Variants in SLC43A2 observed in about 807,000 individuals in gnomAD.
The protein encoded by SLC43A2 is solute carrier family 43 member 2, also known as large neutral amino acids transporter small subunit 4.
SLC43A2 carries 38 observed loss-of-function variants against 63.2 expected under a neutral mutation model. The ratio of observed to expected loss-of-function variants is 0.60; its 90% CI spans 0.46 to 0.79. The LOEUF (loss-of-function observed/expected upper bound fraction) is 0.79, where lower values mean the gene tolerates loss of function less well. SLC43A2 is among the 30% of genes least tolerant of loss of function. SLC43A2 has a pLI of 0.00. For synonymous variants in SLC43A2, 322 were observed against 331.0 expected, an observed-to-expected ratio of 0.97 and a Z score of 0.30; for missense variants, 644 against 756.2, an observed-to-expected ratio of 0.85 and a Z score of 1.74.
intron 5 of SLC43A2, among the ~76,000 whole-genome samples, chr17:1,612,902 G>A (rs1056527809): frequency 6.6e-6 from 1 of 152,010 alleles, no homozygotes; most frequent in Admixed American, 6.6e-5. Flanking sequence ...AACCTGGGAC[G>A]CGGAGGTTGC....
intron 9 of SLC43A2, 29 bp from the exon 10 acceptor site, chr17:1,586,080 A>T: frequency 1.3e-6 from 2 of 1,551,278 alleles, no homozygotes; most frequent in Non-Finnish European, 1.7e-6. Context: ...CGTCATGGGG[A>T]CGCCTGGCAG....
intron 5 of SLC43A2, among the ~76,000 whole-genome samples, chr17:1,609,985 C>T (rs1827358630): frequency 6.6e-6 from 1 of 151,936 alleles, no homozygotes; most frequent in Non-Finnish European, 1.5e-5. Flanking sequence ...TCTCGGCTCA[C>T]TGCAACCTCC....
At position 1,587,072 on chromosome 17, in the gene SLC43A2, C is replaced by T. The variant is rs1598443659; in HGVS notation, c.1079-1021G>A. The T allele has an allele frequency of 1.8e-5, 22 of 1,214,992 alleles. No individual in the cohort carries two copies. The East Asian group carries it at 5.6e-4, about 31-fold the overall frequency. The allele number at this position is 1,214,992 out of a possible 1,614,324, so 75.3% of individuals were successfully genotyped here. A position where few individuals can be genotyped will look rare whatever the true frequency, so the allele number is the denominator to read the frequency against. ...GCAGGCTCACTCCATGCCCAGCACG[C>T]ACTGCATTTCCCACACTGCGTTTCC... On this transcript the variant is annotated intron_variant, in intron 9 of 13. Transcript: ENST00000301335.
rs1194239373 is a variant in SLC43A2, at chr17:1,583,076, C to T, written c.1350+128G>A. The T allele has an allele frequency of 4.7e-6, 5 of 1,075,086 alleles. No individual in the cohort carries two copies. The East Asian group carries it at 7.5e-5, about 16-fold the overall frequency. The allele number at this position is 1,075,086 out of a possible 1,614,324, so 66.6% of individuals were successfully genotyped here. On this transcript the variant is annotated intron_variant, in intron 11 of 13. Coordinates refer to ENST00000301335, the MANE Select transcript of SLC43A2 (RefSeq NM_152346.3). This position sits in a 1 kb window ranked among gnomAD's most constrained non-coding sequence, Gnocchi z 5.5. ...CCTGAGCAACAGAGTTTGACTCTGT[C>T]TCAAAAAAATAAAGAAAGTCATCCG...
chr17:1,625,930 G>A (rs1320322906), intron 2 of SLC43A2, among the ~76,000 whole-genome samples: 1 of 151,728 alleles, frequency 6.6e-6, no homozygotes, highest in East Asian at 1.9e-4. Context: ...GGAAGCTGAG[G>A]TTGAGGCAGG....
At position 1,571,884 on chromosome 17, in the gene SLC43A2, G is replaced by T; in HGVS notation, c.*3720C>A. On this transcript the variant is annotated 3_prime_UTR_variant, in exon 14 of 14. Coordinates refer to ENST00000301335, the MANE Select transcript of SLC43A2 (RefSeq NM_152346.3). The surrounding 1 kb of genome is among the most constrained non-coding windows in gnomAD (Gnocchi z 5.2). ...CAGAGTCTAGTGAGGAGAGGGACTG[G>T]GGGCAGTGTTTCGGCAGCAGACCCA... is the stretch of plus-strand genomic sequence containing the variant. The T allele has an allele frequency of 6.6e-6, 1 of 152,426 alleles. No individual in the cohort carries two copies. 9.4% of individuals were successfully genotyped at this position (152,426 alleles called of 1,614,324 possible).
At chr17:1,586,928 T>TGGCCCCC in intron 9 of SLC43A2, 22 of 1,232,860 alleles carry the variant, frequency 1.8e-5, no homozygotes, top group South Asian at 2.6e-5. Flanking sequence ...TCCCTGACAA[T>TGGCCCCC]CCCCCCCACC....
At chr17:1,618,659 T>C (rs1907895490) in intron 2 of SLC43A2, among the ~76,000 whole-genome samples, 1 of 152,202 alleles carries the variant, frequency 6.6e-6, no homozygotes, top group Non-Finnish European at 1.5e-5. Context: ...CTCACCCAGG[T>C]CTTGGCCTAC....
chr17:1,616,633 G>A lies in SLC43A2; in HGVS notation c.297C>T (p.Leu99=). The A allele has an allele frequency of 1.2e-6, 2 of 1,614,150 alleles. No individual in the cohort carries two copies. Among genetic ancestry groups the A allele is most frequent in the South Asian group, 1.1e-5 (1 of 91,088 alleles). Residue 99 remains leucine, a synonymous_variant, in exon 3 of 14, where the codon CTC becomes CTT. Transcript: ENST00000301335. ...TACCCAGGGGCAGGGTGATGGCACTGAGCAGAAAGGAGCCCACAGTGAAGG... is the reference window on the plus strand; with the variant it reads ...TACCCAGGGGCAGGGTGATGGCACTAAGCAGAAAGGAGCCCACAGTGAAGG... ...NLAFTVGSFL[L]SAITLPLGIV...
In SLC43A2 at chr17:1,606,459, G is replaced by A. The variant is rs976773864; in HGVS notation, c.501+6736C>T. Among the ~76,000 whole-genome samples, 3 of 152,174 alleles carry A rather than the reference G, an allele frequency of 2.0e-5. No homozygotes were observed. The highest frequency in any genetic ancestry group is 7.2e-5 in the African/African-American group (3 of 41,436). ...GGAGCCTGGCAACATTTTGAAACCCGCTTTTCTGTGTGGCTTCTGCTGAGA... is the reference window on the plus strand; with the variant it reads ...GGAGCCTGGCAACATTTTGAAACCCACTTTTCTGTGTGGCTTCTGCTGAGA... On this transcript the variant is annotated intron_variant, in intron 5 of 13. Coordinates refer to ENST00000301335, the MANE Select transcript of SLC43A2 (RefSeq NM_152346.3). This position sits in a 1 kb window ranked among gnomAD's most constrained non-coding sequence, Gnocchi z 4.7.
intron 3 of SLC43A2, among the ~76,000 whole-genome samples, chr17:1,616,149 G>T (rs1383639296): frequency 1.3e-5 from 2 of 151,908 alleles, no homozygotes; most frequent in African/African-American, 2.4e-5. Context: ...GGAGCTATAA[G>T]GTCAAACGGG....
At chr17:1,594,098 T>C (rs1300542749) in intron 5 of SLC43A2, among the ~76,000 whole-genome samples, 3 of 152,184 alleles carry the variant, frequency 2.0e-5, no homozygotes, top group Admixed American at 2.0e-4. Flanking sequence ...GTGCTGGGAC[T>C]ACAGGCGTGA....
At chr17:1,623,250 TCTCTGTGCCAGGGCGAGCTCGCAGGGAC>T (rs1353500289) in intron 2 of SLC43A2, among the ~76,000 whole-genome samples, 1 of 152,206 alleles carries the variant, frequency 6.6e-6, no homozygotes, top group Non-Finnish European at 1.5e-5. Context: ...CTTGCAGCGA[TCTCTGTGCCAGGGCGAGCTCGCAGGGAC>T]CTCTGTGCCA....
At chr17:1,611,421 G>A (rs1444116361) in intron 5 of SLC43A2, among the ~76,000 whole-genome samples, 1 of 152,074 alleles carries the variant, frequency 6.6e-6, no homozygotes, top group Non-Finnish European at 1.5e-5. Context: ...GATTGCCTGA[G>A]ATCAGGGGTA....
rs1224174291 is a variant in SLC43A2 at position 1,578,324 on chromosome 17, C to A, written c.1351-1G>T. 1 of 1,613,662 alleles carries A rather than the reference C, an allele frequency of 6.2e-7. No individual in the cohort carries two copies. Among genetic ancestry groups the A allele is most frequent in the Admixed American group, 1.7e-5 (1 of 59,982 alleles). On this transcript the variant is annotated splice_acceptor_variant, in intron 11 of 13. Coordinates refer to ENST00000301335, the MANE Select transcript of SLC43A2 (RefSeq NM_152346.3). LOFTEE classifies it high-confidence loss of function. The surrounding 1 kb of genome is among the most constrained non-coding windows in gnomAD (Gnocchi z 6.5). Reference sequence around the variant, plus strand: ...TTGTGTGCAGGATGAAGGAGAGGATCTGGGGGAGGAAAAGGCGACTGTGGG... The same window carrying A: ...TTGTGTGCAGGATGAAGGAGAGGATATGGGGGAGGAAAAGGCGACTGTGGG...
chr17:1,595,559 C>T (rs1447874550), intron 5 of SLC43A2, among the ~76,000 whole-genome samples: 1 of 152,050 alleles, frequency 6.6e-6, no homozygotes, highest in African/African-American at 2.4e-5. Context: ...GAGTCTCCTG[C>T]CTCAGCGTCC....
chr17:1,606,997 C>T lies in SLC43A2; in HGVS notation c.501+6198G>A, dbSNP rs998422638. Among the ~76,000 whole-genome samples, 6 of 152,174 alleles carry T rather than the reference C, an allele frequency of 3.9e-5. No individual in the cohort carries two copies. The highest frequency in any genetic ancestry group is 1.5e-5 in the Non-Finnish European group (1 of 68,032). ...CTCCTTCTGGACTACAAGGAAAAGGCGTGTGCCCGCTTGGAGCCCCCTCTC... is the reference window on the plus strand; with the variant it reads ...CTCCTTCTGGACTACAAGGAAAAGGTGTGTGCCCGCTTGGAGCCCCCTCTC... On this transcript the variant is annotated intron_variant, in intron 5 of 13. Transcript: ENST00000301335. The surrounding 1 kb of genome is among the most constrained non-coding windows in gnomAD (Gnocchi z 4.7).
chr17:1,574,988 A>ACCCTCTCCAGGGCATAAGCCAGGTGGGG lies in SLC43A2; in HGVS notation c.*588_*615dup, dbSNP rs1411079815. 1 of 156,114 alleles carries ACCCTCTCCAGGGCATAAGCCAGGTGGGG rather than the reference A, an allele frequency of 6.4e-6. No homozygotes were observed. The highest frequency in any genetic ancestry group is 1.9e-4 in the East Asian group (1 of 5,202). 9.7% of individuals were successfully genotyped at this position (156,114 alleles called of 1,614,324 possible). On this transcript the variant is annotated 3_prime_UTR_variant, in exon 14 of 14. Transcript: ENST00000301335. ...GCGAGGGGTCCACCCAGCCCGCTAA[A>ACCCTCTCCAGGGCATAAGCCAGGTGGGG]CCCTCTCCAGGGCATAAGCCAGGTG...
intron 5 of SLC43A2, among the ~76,000 whole-genome samples, chr17:1,597,009 G>A (rs1268431939): frequency 2.0e-5 from 3 of 151,916 alleles, no homozygotes; most frequent in Non-Finnish European, 2.9e-5. Context: ...GAGGTCAGGA[G>A]TTCCAGACCA....
Sources: gnomAD v4.1 joint callset for allele counts (sites outside exome capture counted in the v4.1 genomes callset) on GRCh38, gnomAD v4.1.1 for gene constraint, Gnocchi (gnomAD v3.1) non-coding constraint, MANE v1.5 for transcripts, NCBI Gene and HGNC (gene_info 2026-07-23, HGNC 2026-07-21) for gene names.